AGBL4: variants seen among roughly 807,000 people sequenced by gnomAD.
AGBL4 encodes the protein AGBL carboxypeptidase 4.
AGBL4 carries 58 observed loss-of-function variants against 66.4 expected under a neutral mutation model. The observed-to-expected ratio is 0.87, with a 90% CI of 0.71 to 1.09. The LOEUF (loss-of-function observed/expected upper bound fraction) is 1.09. AGBL4 is among the 50% of genes least tolerant of loss of function. The pLI, the probability that AGBL4 is intolerant of heterozygous loss-of-function variation, is 0.00. For missense variants in AGBL4, 579 were observed against 631.0 expected (o/e 0.92, Z 0.88); for synonymous variants, 234 against 222.9 (o/e 1.05, Z -0.44).
At chr1:48,711,059 C>A (rs1484747532) in intron 6 of AGBL4, among the ~76,000 whole-genome samples, 3 of 151,938 alleles carry the variant, frequency 2.0e-5, no homozygotes, top group Admixed American at 6.5e-5. Flanking sequence ...CTACTGCTCA[C>A]CCCTGATCAC....
chr1:48,655,258 A>C (rs900321498), intron 7 of AGBL4, among the ~76,000 whole-genome samples: 1 of 152,238 alleles, frequency 6.6e-6, no homozygotes. Flanking sequence ...TTGAGGTCAG[A>C]TACAATATAA....
At chr1:49,554,869 C>T (rs913090913) in intron 3 of AGBL4, among the ~76,000 whole-genome samples, 7 of 151,886 alleles carry the variant, frequency 4.6e-5, no homozygotes, top group South Asian at 2.1e-4. Context: ...TTAAAGGCGG[C>T]GCGTCTGGAG....
chr1:48,939,516 C>T (rs887305511), intron 5 of AGBL4, among the ~76,000 whole-genome samples: 57 of 152,140 alleles, frequency 3.7e-4, no homozygotes, highest in African/African-American at 1.4e-3. Flanking sequence ...AAGAAAGGGG[C>T]CTCCAGGAGG....
chr1:49,882,483 T>C (rs1390431391), intron 1 of AGBL4, among the ~76,000 whole-genome samples: 1 of 151,784 alleles, frequency 6.6e-6, no homozygotes, highest in Non-Finnish European at 1.5e-5. Context: ...TTGGGCAGTA[T>C]GGCCATTTTC....
chr1:48,954,847 G>A (rs952971906), intron 5 of AGBL4, among the ~76,000 whole-genome samples: 4 of 152,082 alleles, frequency 2.6e-5, no homozygotes, highest in Non-Finnish European at 2.9e-5. Context: ...TACAGATCTG[G>A]AAGGTAAAGG....
intron 3 of AGBL4, among the ~76,000 whole-genome samples, chr1:49,463,650 T>G (rs1408044854): frequency 6.6e-6 from 1 of 151,536 alleles, no homozygotes; most frequent in African/African-American, 2.4e-5. Context: ...AGATGGGGAG[T>G]AATTAAGCTG....
intron 6 of AGBL4, among the ~76,000 whole-genome samples, chr1:48,767,774 T>TA (rs1644600799): frequency 6.6e-6 from 1 of 152,188 alleles, no homozygotes; most frequent in African/African-American, 2.4e-5. Flanking sequence ...CCTCTGAAGA[T>TA]AAAATCACCA....
intron 4 of AGBL4, among the ~76,000 whole-genome samples, chr1:49,059,447 C>G (rs1422206322): frequency 6.6e-6 from 1 of 152,218 alleles, no homozygotes; most frequent in Non-Finnish European, 1.5e-5. Context: ...CAAAAGTTTG[C>G]TACAGGGGCA....
chr1:49,218,337 G>A (rs146192100), intron 4 of AGBL4, among the ~76,000 whole-genome samples: 112 of 152,218 alleles, frequency 7.4e-4, no homozygotes, highest in African/African-American at 2.6e-3. Flanking sequence ...AACAGATACA[G>A]CCTAGCTGAA....
In AGBL4 at chr1:49,099,634, T is replaced by G. The variant is rs567459140; in HGVS notation, c.378-53834A>C. On this transcript the variant is annotated intron_variant, in intron 4 of 13. Coordinates refer to ENST00000371839, the MANE Select transcript of AGBL4 (RefSeq NM_032785.4). ...TTTGGGCCATGAACTACTTCTTTTT[T>G]GTACTTATCAGTCCATACTATAATT... is the stretch of plus-strand genomic sequence containing the variant. Among the ~76,000 whole-genome samples, 8 of 152,294 alleles carry G rather than the reference T, an allele frequency of 5.3e-5. No homozygotes were observed. The South Asian group carries it at 1.7e-3, about 32-fold the overall frequency.
At chr1:48,807,906 T>A (rs1934367) in intron 6 of AGBL4, among the ~76,000 whole-genome samples, 139,156 of 152,092 alleles carry the variant, frequency 0.91, 64,897 homozygotes, top group East Asian at 1. Flanking sequence ...GAAAACTGCA[T>A]CATCTTAATC....
chr1:48,767,101 T>C (rs185040605), intron 6 of AGBL4, among the ~76,000 whole-genome samples: 161 of 152,242 alleles, frequency 1.1e-3, no homozygotes, highest in African/African-American at 3.7e-3. Context: ...GAAGAAATGG[T>C]TGGGAGAGGG....
At chr1:48,864,669 T>C (rs1012162982) in intron 6 of AGBL4, among the ~76,000 whole-genome samples, 1 of 152,188 alleles carries the variant, frequency 6.6e-6, no homozygotes, top group Non-Finnish European at 1.5e-5. Flanking sequence ...AGAATGACAT[T>C]GATAGTGTGA....
rs1029387118 is a variant in AGBL4 at position 49,558,116 on chromosome 1, T to A, written c.282+139197A>T. On this transcript the variant is annotated intron_variant, in intron 3 of 13. Coordinates refer to ENST00000371839, the MANE Select transcript of AGBL4 (RefSeq NM_032785.4). ...TGAAGAGCCCTTGGACCCTGAATAA[T>A]CAGCAGTGATACTCACATACTACCT... Among the ~76,000 whole-genome samples the A allele has an allele frequency of 8.6e-5, 13 of 151,866 alleles. 1 individual carries two copies. The highest frequency in any genetic ancestry group is 2.7e-4 in the African/African-American group (11 of 41,368).
chr1:49,836,518 A>G (rs1645853596), intron 2 of AGBL4, among the ~76,000 whole-genome samples: 1 of 152,164 alleles, frequency 6.6e-6, no homozygotes, highest in Admixed American at 6.5e-5. Flanking sequence ...ATTGGGTTAG[A>G]ACATGCTCCT....
chr1:48,837,702 A>C (rs1474717634), intron 6 of AGBL4, among the ~76,000 whole-genome samples: 1 of 100,400 alleles, frequency 1.0e-5, no homozygotes, highest in Non-Finnish European at 1.9e-5. Flanking sequence ...ACACACGCAC[A>C]CACACACACT....
intron 3 of AGBL4, among the ~76,000 whole-genome samples, chr1:49,542,895 TCAAAAAAAA>T (rs1652164825): frequency 6.0e-5 from 1 of 16,608 alleles, no homozygotes; most frequent in African/African-American, 3.6e-4. Flanking sequence ...TAAGACTCCA[TCAAAAAAAA>T]AAAAAAAAAA....
intron 4 of AGBL4, among the ~76,000 whole-genome samples, chr1:49,047,412 T>G (rs1171895498): frequency 6.6e-6 from 1 of 152,128 alleles, no homozygotes; most frequent in African/African-American, 2.4e-5. Flanking sequence ...GGCCCACCAA[T>G]AGAGTCCATT....
intron 3 of AGBL4, among the ~76,000 whole-genome samples, chr1:49,408,008 C>A (rs1297736377): frequency 6.6e-6 from 1 of 152,192 alleles, no homozygotes; most frequent in East Asian, 1.9e-4. Flanking sequence ...ATTCTGAGGT[C>A]ACATTCCCAG....
Sources: allele counts gnomAD v4.1 joint callset (sites outside exome capture counted in the v4.1 genomes callset), GRCh38; gene constraint gnomAD v4.1.1; transcripts MANE v1.5; gene names NCBI Gene and HGNC (gene_info 2026-07-23, HGNC 2026-07-21).